Variants in TMEM272 observed in about 807,000 individuals in gnomAD.
The protein encoded by TMEM272 is transmembrane protein 272.
In TMEM272, 8 loss-of-function variants were observed where a neutral mutation model predicts 3.7. The observed-to-expected ratio is 2.17, with a 90% CI of 1.27 to 3.91. The LOEUF is 3.91. TMEM272 is among the 30% of genes most tolerant of loss of function. The probability of loss-of-function intolerance (pLI) is 0.00; values close to 1 mark genes in which losing one functional copy is unlikely to be tolerated. For synonymous variants in TMEM272, 63 were observed against 39.8 expected (o/e 1.58, Z -2.20); for missense variants, 166 against 91.5 (o/e 1.81, Z -3.32).
At chr13:51,839,573 G>A in intron 1 of TMEM272, among the ~76,000 whole-genome samples, 1 of 152,188 alleles carries the variant, frequency 6.6e-6, no homozygotes, top group Non-Finnish European at 1.5e-5. Flanking sequence ...TCATACTGCA[G>A]GGGTTTGCAA....
intron 2 of TMEM272, among the ~76,000 whole-genome samples, chr13:51,831,786 G>C (rs920069252): frequency 6.6e-6 from 1 of 152,226 alleles, no homozygotes; most frequent in African/African-American, 2.4e-5. Flanking sequence ...CTTGACAGCA[G>C]TGACCACCAC....
intron 4 of TMEM272, among the ~76,000 whole-genome samples, chr13:51,821,656 CTTT>C (rs1261843520): frequency 8.0e-6 from 1 of 125,204 alleles, no homozygotes; most frequent in East Asian, 2.4e-4. Flanking sequence ...CAACAGGAAG[CTTT>C]TTTTTCCTCA....
chr13:51,923,000 G>A, the TMEM272 span, among the ~76,000 whole-genome samples: 1 of 152,234 alleles, frequency 6.6e-6, no homozygotes, highest in African/African-American at 2.4e-5. Flanking sequence ...CACAGGCTCT[G>A]AGGATTCGGA....
the TMEM272 span, chr13:51,866,201 A>C: frequency 3.4e-6 from 3 of 889,980 alleles, no homozygotes; most frequent in East Asian, 8.2e-5. Context: ...GAAAGATCCA[A>C]TAAAGTCCTG....
At chr13:51,886,796 T>C in the TMEM272 span, among the ~76,000 whole-genome samples, 2 of 152,158 alleles carry the variant, frequency 1.3e-5, no homozygotes, top group Admixed American at 1.3e-4. Flanking sequence ...AAACCAAATA[T>C]ATTTTGGTCC....
the TMEM272 span, among the ~76,000 whole-genome samples, chr13:51,898,318 G>T: frequency 6.6e-6 from 1 of 151,806 alleles, no homozygotes; most frequent in Non-Finnish European, 1.5e-5. Context: ...AAACTCCTGG[G>T]GATTTTTCTC....
chr13:51,825,285 T>G (rs967348249), intron 3 of TMEM272, among the ~76,000 whole-genome samples: 9 of 152,338 alleles, frequency 5.9e-5, no homozygotes, highest in Non-Finnish European at 1.2e-4. Context: ...GCTGTTAGCT[T>G]TCATGTCTTA....
intron 2 of TMEM272, among the ~76,000 whole-genome samples, chr13:51,831,686 G>T (rs1179367213): frequency 1.3e-5 from 2 of 152,220 alleles, no homozygotes; most frequent in African/African-American, 4.8e-5. Flanking sequence ...CCTGCCTCCT[G>T]GGGCATCTGG....
chr13:51,878,046 T>TA, the TMEM272 span, among the ~76,000 whole-genome samples: 2 of 152,252 alleles, frequency 1.3e-5, no homozygotes, highest in East Asian at 3.9e-4. Context: ...TCAGGAAACT[T>TA]ACAATCATGG....
chr13:51,916,468 C>T, the TMEM272 span, among the ~76,000 whole-genome samples: 1 of 152,360 alleles, frequency 6.6e-6, no homozygotes, highest in African/African-American at 2.4e-5. Flanking sequence ...TAAGGTTCAA[C>T]AAGTGGTAGC....
In TMEM272 at chr13:51,814,685, G is replaced by A. The variant is rs140695497; in HGVS notation, c.*2066C>T. ...ATGACCAGTATTCTCCATTGCAACT[G>A]GGGGTGGGCTGGTGGGGTGCATATG... On this transcript the variant is annotated 3_prime_UTR_variant, in exon 5 of 5. Coordinates refer to ENST00000629372, the MANE Select transcript of TMEM272 (RefSeq NM_001351003.2). 6.6e-6 allele frequency: 1 copy of A among 152,222 alleles called. No individual in the cohort carries two copies. Among genetic ancestry groups the A allele is most frequent in the Non-Finnish European group, 1.5e-5 (1 of 68,048 alleles). 9.4% of individuals were successfully genotyped at this position (152,222 alleles called of 1,614,324 possible).
the TMEM272 span, among the ~76,000 whole-genome samples, chr13:51,910,914 C>T: frequency 6.6e-6 from 1 of 152,212 alleles, no homozygotes; most frequent in African/African-American, 2.4e-5. Context: ...GACCCAGCAT[C>T]CCAGCTATGC....
chr13:51,846,863 A>C (rs1229551090), upstream of TMEM272, among the ~76,000 whole-genome samples: 2 of 152,254 alleles, frequency 1.3e-5, no homozygotes, highest in East Asian at 3.8e-4. Context: ...CTTTATTATT[A>C]AAGAAAAATA....
At chr13:51,851,685 C>A in the TMEM272 span, among the ~76,000 whole-genome samples, 1 of 152,104 alleles carries the variant, frequency 6.6e-6, no homozygotes, top group Non-Finnish European at 1.5e-5. Context: ...CCACCATGTC[C>A]AACTAATTTT....
chr13:51,915,419 T>C, the TMEM272 span, among the ~76,000 whole-genome samples: 2 of 152,252 alleles, frequency 1.3e-5, no homozygotes, highest in Non-Finnish European at 2.9e-5. Context: ...TGCTTAAAAG[T>C]ATATAGGCCA....
chr13:51,832,839 G>A (rs746601436), intron 2 of TMEM272, among the ~76,000 whole-genome samples: 19 of 152,166 alleles, frequency 1.2e-4, no homozygotes, highest in African/African-American at 2.2e-4. Flanking sequence ...TCTTGCATTC[G>A]ACCAAGGTTT....
intron 3 of TMEM272, among the ~76,000 whole-genome samples, chr13:51,825,809 A>G (rs1956120019): frequency 6.6e-6 from 1 of 151,774 alleles, no homozygotes; most frequent in Non-Finnish European, 1.5e-5. Context: ...AGGTCTCACT[A>G]TGTTGCCCAG....
At chr13:51,923,674 G>A in the TMEM272 span, among the ~76,000 whole-genome samples, 1 of 95,652 alleles carries the variant, frequency 1.0e-5, no homozygotes, top group Admixed American at 1.1e-4. Flanking sequence ...AAAAAAGGAA[G>A]ATGAAGGAGA....
chr13:51,881,696 G>T, the TMEM272 span, among the ~76,000 whole-genome samples: 1 of 152,102 alleles, frequency 6.6e-6, no homozygotes, highest in East Asian at 1.9e-4. Context: ...TATTAAGGAG[G>T]CCCCAGAGAG....
Sources: allele counts gnomAD v4.1 joint callset (sites outside exome capture counted in the v4.1 genomes callset), GRCh38; gene constraint gnomAD v4.1.1; transcripts MANE v1.5; gene names NCBI Gene and HGNC (gene_info 2026-07-23, HGNC 2026-07-21).